TSHZ2: variants seen among roughly 807,000 people sequenced by gnomAD.
TSHZ2 encodes teashirt zinc finger homeobox 2, also known as teashirt homolog 2.
Under a neutral mutation model 74.4 loss-of-function variants are expected in TSHZ2, and 21 were observed. That is an observed-to-expected ratio of 0.28 (90% CI 0.20 to 0.41). The LOEUF is 0.41. TSHZ2 is among the 10% of genes least tolerant of loss of function. The pLI is 1.00. For synonymous variants in TSHZ2, 540 were observed against 515.3 expected (o/e 1.05, Z -0.65); for missense variants, 1,244 against 1,293.5 (o/e 0.96, Z 0.59).
intron 1 of TSHZ2, among the ~76,000 whole-genome samples, chr20:53,114,667 C>A (rs1028360138): frequency 6.6e-6 from 1 of 152,076 alleles, no homozygotes; most frequent in Non-Finnish European, 1.5e-5. Context: ...GGATCTTCCC[C>A]AAATGGCTGC....
At chr20:53,191,492 G>C (rs896219676) in intron 1 of TSHZ2, among the ~76,000 whole-genome samples, 7 of 152,212 alleles carry the variant, frequency 4.6e-5, no homozygotes, top group African/African-American at 1.7e-4. Flanking sequence ...GTGAAACTCT[G>C]TCTCTACTAA....
chr20:53,480,795 G>T (rs1287677722), intron 2 of TSHZ2, among the ~76,000 whole-genome samples: 1 of 152,142 alleles, frequency 6.6e-6, no homozygotes, highest in Non-Finnish European at 1.5e-5. Context: ...CAGGAGGAAG[G>T]CAAGAAGAGT....
chr20:53,133,969 GAAA>G (rs3070080), intron 1 of TSHZ2, among the ~76,000 whole-genome samples: 4 of 127,906 alleles, frequency 3.1e-5, no homozygotes, highest in Admixed American at 1.6e-4. Context: ...CATTTTTTCT[GAAA>G]AAAAAAAAAA....
In TSHZ2 at chr20:53,360,042, G is replaced by A. The variant is rs144781211; in HGVS notation, c.*8+103471G>A. The stretch of plus-strand genomic sequence containing the variant: ...CCTACATTGACTTTAGTACTAGAAA[G>A]AGGTACAACTGAAATGGACTTTTCA... On this transcript the variant is annotated intron_variant, in intron 2 of 2. Coordinates refer to ENST00000371497, the MANE Select transcript of TSHZ2 (RefSeq NM_173485.6). Among the ~76,000 whole-genome samples, 583 of 152,298 alleles carry A rather than the reference G, an allele frequency of 3.8e-3. 7 individuals carry two copies. The highest frequency in any genetic ancestry group is 0.013 in the African/African-American group (543 of 41,562).
At chr20:53,171,931 G>A (rs972817723) in intron 1 of TSHZ2, among the ~76,000 whole-genome samples, 24 of 152,056 alleles carry the variant, frequency 1.6e-4, no homozygotes, top group African/African-American at 5.8e-4. Context: ...AAATTTATAG[G>A]TAGAGTAATA....
chr20:53,171,207 G>A (rs979953648), intron 1 of TSHZ2, among the ~76,000 whole-genome samples: 6 of 152,174 alleles, frequency 3.9e-5, no homozygotes, highest in African/African-American at 1.2e-4. Flanking sequence ...GCTCTCAAGC[G>A]TGTCCCCTTT....
chr20:53,202,930 C>A (rs955126291), intron 1 of TSHZ2, among the ~76,000 whole-genome samples: 2 of 152,146 alleles, frequency 1.3e-5, no homozygotes, highest in African/African-American at 4.8e-5. Flanking sequence ...TTCACTCTGC[C>A]TTTCTCTCTT....
At chr20:53,046,148 C>T (rs1381557670) in intron 1 of TSHZ2, among the ~76,000 whole-genome samples, 1 of 152,076 alleles carries the variant, frequency 6.6e-6, no homozygotes, top group East Asian at 1.9e-4. Flanking sequence ...GGGCTGCAGG[C>T]AAGAGGGGAG....
intron 1 of TSHZ2, among the ~76,000 whole-genome samples, chr20:53,112,472 A>G (rs1988686748): frequency 1.3e-5 from 2 of 151,754 alleles, no homozygotes; most frequent in South Asian, 4.2e-4. Context: ...CCTTCCAATT[A>G]CTCTCAGAAT....
chr20:53,245,564 C>G (rs769378295), intron 1 of TSHZ2, among the ~76,000 whole-genome samples: 5 of 152,194 alleles, frequency 3.3e-5, no homozygotes, highest in Admixed American at 6.5e-5. Context: ...TACTAATTAA[C>G]TGTTTTGCAA....
intron 1 of TSHZ2, among the ~76,000 whole-genome samples, chr20:53,115,048 G>A (rs560577014): frequency 2.8e-4 from 42 of 152,194 alleles, no homozygotes; most frequent in Non-Finnish European, 4.0e-4. Flanking sequence ...CAAGTCTTAC[G>A]CATTTGGGTG....
rs1413144055 is a variant in TSHZ2 at position 53,494,898 on chromosome 20, C to A, written c.*7763C>A. 6.6e-6 allele frequency: 1 copy of A among 151,648 alleles called. No individual in the cohort carries two copies. Among genetic ancestry groups the A allele is most frequent in the Non-Finnish European group, 1.5e-5 (1 of 67,988 alleles). 9.4% of individuals were successfully genotyped at this position (151,648 alleles called of 1,614,324 possible). On this transcript the variant is annotated 3_prime_UTR_variant, in exon 3 of 3. Coordinates refer to ENST00000371497, the MANE Select transcript of TSHZ2 (RefSeq NM_173485.6). ...GTTATTGGAAATAGACTGTTCCCAT[C>A]TGAAACCGTATCGTAATTTGCATCA...
At chr20:53,305,956 C>A (rs1978523090) in intron 2 of TSHZ2, among the ~76,000 whole-genome samples, 1 of 147,654 alleles carries the variant, frequency 6.8e-6, no homozygotes, top group African/African-American at 2.5e-5. Context: ...CCGGCCTGGG[C>A]AGCAGAGCAA....
chr20:53,203,191 ATTTT>A (rs34078708), intron 1 of TSHZ2, among the ~76,000 whole-genome samples: 2 of 130,530 alleles, frequency 1.5e-5, no homozygotes, highest in Non-Finnish European at 1.6e-5. Flanking sequence ...GCAGACTCAA[ATTTT>A]TTTTTTTTTT....
intron 1 of TSHZ2, among the ~76,000 whole-genome samples, chr20:53,185,964 T>C (rs923797180): frequency 1.3e-5 from 2 of 152,242 alleles, no homozygotes; most frequent in African/African-American, 4.8e-5. Context: ...TGGTGCCATC[T>C]TGGGACTGGC....
chr20:53,155,298 G>A (rs773338965), intron 1 of TSHZ2, among the ~76,000 whole-genome samples: 2 of 152,042 alleles, frequency 1.3e-5, no homozygotes, highest in Non-Finnish European at 2.9e-5. Flanking sequence ...GAAAAGGTAG[G>A]AGTGGTGTTT....
chr20:53,091,978 C>T (rs1460762976), intron 1 of TSHZ2, among the ~76,000 whole-genome samples: 1 of 152,146 alleles, frequency 6.6e-6, no homozygotes, highest in Non-Finnish European at 1.5e-5. Flanking sequence ...CCCAGGAGTT[C>T]AAGGTTGCAG....
intron 1 of TSHZ2, among the ~76,000 whole-genome samples, chr20:53,138,691 A>G (rs1350183651): frequency 6.6e-6 from 1 of 152,210 alleles, no homozygotes; most frequent in Non-Finnish European, 1.5e-5. Context: ...CCAAACTTTG[A>G]GAACCCTTCT....
At chr20:53,015,475 T>A (rs1388310072) in intron 1 of TSHZ2, among the ~76,000 whole-genome samples, 2 of 152,098 alleles carry the variant, frequency 1.3e-5, no homozygotes, top group Non-Finnish European at 2.9e-5. Context: ...CAAATAATTA[T>A]CTTTGGCCAC....
Sources: allele counts gnomAD v4.1 joint callset (sites outside exome capture counted in the v4.1 genomes callset), GRCh38; gene constraint gnomAD v4.1.1; transcripts MANE v1.5; gene names NCBI Gene and HGNC (gene_info 2026-07-23, HGNC 2026-07-21).